Variants in VTCN1 observed in about 807,000 individuals in gnomAD.
The protein encoded by VTCN1 is V-set domain containing T cell activation inhibitor 1.
VTCN1 carries 26 observed loss-of-function variants against 26.5 expected under a neutral mutation model. The ratio of observed to expected loss-of-function variants is 0.98; its 90% CI spans 0.72 to 1.36. VTCN1 has a LOEUF of 1.36. Among genes scored for constraint, VTCN1 ranks in the 40% most tolerant of loss-of-function variants. The pLI, the probability that VTCN1 is intolerant of heterozygous loss-of-function variation, is 0.00. For missense variants in VTCN1, 298 were observed against 337.7 expected (o/e 0.88, Z 0.92); for synonymous variants, 116 against 130.7 (o/e 0.89, Z 0.77).
At chr1:117,193,845 A>G (rs755292511) in intron 1 of VTCN1, among the ~76,000 whole-genome samples, 4 of 152,180 alleles carry the variant, frequency 2.6e-5, no homozygotes, top group Non-Finnish European at 5.9e-5. Flanking sequence ...TTGGATCTTT[A>G]TCTTACACCA....
rs1368822962 is a variant in VTCN1 at position 117,156,759 on chromosome 1, T to G, written c.260A>C (p.Lys87Thr). 1 of 1,614,052 alleles carries G rather than the reference T, an allele frequency of 6.2e-7. No individual in the cohort carries two copies. Among genetic ancestry groups the G allele is most frequent in the Non-Finnish European group, 8.5e-7 (1 of 1,180,012 alleles). The change falls in exon 3 of 6, where the codon AAA (lysine) becomes ACA (threonine). Residue 87 changes from lysine (K) to threonine (T), a missense_variant. Physicochemically the swap from Lys to Thr is moderately conservative, Grantham distance 78. Coordinates refer to ENST00000369458, the MANE Select transcript of VTCN1 (RefSeq NM_024626.4). The stretch of plus-strand genomic sequence containing the variant: ...TTCATCCTGCTCCGACAGCTCATCT[T>G]TGCCTTCTTTGAACTCATGGACCAA... ...LGLVHEFKEGKDELSEQDEMF... is the reference protein window; with the variant it reads ...LGLVHEFKEGTDELSEQDEMF...
chr1:117,185,062 A>T (rs1177137171), intron 1 of VTCN1, among the ~76,000 whole-genome samples: 1 of 152,168 alleles, frequency 6.6e-6, no homozygotes, highest in Non-Finnish European at 1.5e-5. Flanking sequence ...AGACTTAAGA[A>T]GTTAGGATAA....
chr1:117,155,259 CTTA>C lies in VTCN1; in HGVS notation c.445+1312_445+1314del, dbSNP rs1377890885. Among the ~76,000 whole-genome samples, 11 of 152,272 alleles carry C rather than the reference CTTA, an allele frequency of 7.2e-5. No homozygotes were observed. The South Asian group carries it at 2.1e-3, about 29-fold the overall frequency. Reference sequence around the variant, plus strand: ...CAGAAGGTACATGCTGTTAACATGACTTATTAATGATGTTAACCTGGATCACCT... The same window carrying C: ...CAGAAGGTACATGCTGTTAACATGACTTAATGATGTTAACCTGGATCACCT... On this transcript the variant is annotated intron_variant, in intron 3 of 5. Coordinates refer to ENST00000369458, the MANE Select transcript of VTCN1 (RefSeq NM_024626.4). This position sits in a 1 kb window ranked among gnomAD's most constrained non-coding sequence, Gnocchi z 4.8.
chr1:117,180,524 T>C (rs954167403), intron 1 of VTCN1, among the ~76,000 whole-genome samples: 1 of 152,134 alleles, frequency 6.6e-6, no homozygotes, highest in Non-Finnish European at 1.5e-5. Flanking sequence ...ACAAACACAC[T>C]CCAAACCTTT....
chr1:117,208,546 A>G (rs1649208598), intron 1 of VTCN1, among the ~76,000 whole-genome samples: 1 of 152,206 alleles, frequency 6.6e-6, no homozygotes, highest in African/African-American at 2.4e-5. Context: ...TGCAATATTC[A>G]GGACACAGTG....
chr1:117,181,483 C>T (rs1357044212), intron 1 of VTCN1, among the ~76,000 whole-genome samples: 1 of 152,200 alleles, frequency 6.6e-6, no homozygotes, highest in Non-Finnish European at 1.5e-5. Context: ...TGTTCACTGC[C>T]CAGTTGCTCT....
intron 1 of VTCN1, among the ~76,000 whole-genome samples, chr1:117,184,720 G>A (rs1228600224): frequency 6.6e-6 from 1 of 152,142 alleles, no homozygotes; most frequent in Non-Finnish European, 1.5e-5. Context: ...TGCCTGGCAT[G>A]GAGCAAAGGC....
intron 1 of VTCN1, among the ~76,000 whole-genome samples, chr1:117,202,316 C>CG (rs1648829628): frequency 6.6e-6 from 1 of 152,070 alleles, no homozygotes; most frequent in Non-Finnish European, 1.5e-5. Flanking sequence ...CACCAGCAAC[C>CG]GGGTATAGAG....
In VTCN1 at chr1:117,145,539, G is replaced by C. The variant is rs1438486610; in HGVS notation, c.*46-314C>G. Reference sequence around the variant, plus strand: ...GCTCCTGAATAGAGGTGGAAAGGTGGTTTCTGCCTCAATTCCTAACCAGGG... The same window carrying C: ...GCTCCTGAATAGAGGTGGAAAGGTGCTTTCTGCCTCAATTCCTAACCAGGG... On this transcript the variant is annotated intron_variant, in intron 5 of 5. Coordinates refer to ENST00000369458, the MANE Select transcript of VTCN1 (RefSeq NM_024626.4). This position sits in a 1 kb window ranked among gnomAD's most constrained non-coding sequence, Gnocchi z 4.6. Among the ~76,000 whole-genome samples the C allele has an allele frequency of 6.6e-6, 1 of 152,138 alleles. No individual in the cohort carries two copies.
At chr1:117,181,520 C>T (rs896619264) in intron 1 of VTCN1, among the ~76,000 whole-genome samples, 2 of 152,234 alleles carry the variant, frequency 1.3e-5, no homozygotes, top group African/African-American at 4.8e-5. Context: ...TCCACCTCTT[C>T]CCAGGTAATG....
chr1:117,200,580 G>A (rs1324786196), intron 1 of VTCN1, among the ~76,000 whole-genome samples: 1 of 152,132 alleles, frequency 6.6e-6, no homozygotes, highest in African/African-American at 2.4e-5. Context: ...TTACCCAGAT[G>A]TAGCCCGCCT....
chr1:117,147,735 C>T lies in VTCN1; in HGVS notation c.772G>A (p.Ala258Thr). 2 of 1,614,002 alleles carry T rather than the reference C, an allele frequency of 1.2e-6. No homozygotes were observed. The highest frequency in any genetic ancestry group is 1.7e-6 in the Non-Finnish European group (2 of 1,179,946). Residue 258 changes from alanine (A) to threonine (T), a missense_variant, in exon 5 of 6, where the codon GCT (alanine) becomes ACT (threonine). By Grantham distance (58) the Ala-to-Thr change is moderately conservative (BLOSUM62 0). Transcript: ENST00000369458. This position sits in a 1 kb window ranked among gnomAD's most constrained non-coding sequence, Gnocchi z 4.6. ...RSHLQLLNSK[A>T]SLCVSSFFAI... is the part of the protein sequence containing the mutation. ...AAGAAAGAAGAGACACACAGAGAAG[C>T]CTTTGAGTTTAGCAGCTGTAGGTGA...
intron 1 of VTCN1, among the ~76,000 whole-genome samples, chr1:117,199,410 C>G (rs1648682072): frequency 1.3e-5 from 2 of 152,216 alleles, no homozygotes; most frequent in Non-Finnish European, 2.9e-5. Context: ...ACTGCAAACT[C>G]TGCCTCACAG....
chr1:117,145,726 T>C lies in VTCN1; in HGVS notation c.*46-501A>G, dbSNP rs867418638. 6.6e-6 allele frequency among the ~76,000 whole-genome samples: 1 copy of C among 152,178 alleles called. No homozygotes were observed. The highest frequency in any genetic ancestry group is 2.4e-5 in the African/African-American group (1 of 41,454). On this transcript the variant is annotated intron_variant, in intron 5 of 5. Coordinates refer to ENST00000369458, the MANE Select transcript of VTCN1 (RefSeq NM_024626.4). This position sits in a 1 kb window ranked among gnomAD's most constrained non-coding sequence, Gnocchi z 4.6. ...TTGGCTCACTGCAGCCTAAACCTCC[T>C]GGGCTCATGCAATCCTTCCACCTCA...
intron 2 of VTCN1, among the ~76,000 whole-genome samples, chr1:117,168,285 G>A (rs574523411): frequency 1.7e-4 from 26 of 152,176 alleles, no homozygotes; most frequent in Non-Finnish European, 3.4e-4. Flanking sequence ...CGTGATTTAC[G>A]ACCATGACGG....
intron 1 of VTCN1, among the ~76,000 whole-genome samples, chr1:117,202,330 C>T (rs543081849): frequency 2.0e-5 from 3 of 152,228 alleles, no homozygotes; most frequent in South Asian, 2.1e-4. Context: ...TATAGAGAAA[C>T]GGAGGCTGAG....
At chr1:117,162,756 A>C (rs1308973557) in intron 2 of VTCN1, among the ~76,000 whole-genome samples, 1 of 152,196 alleles carries the variant, frequency 6.6e-6, no homozygotes, top group African/African-American at 2.4e-5. Context: ...ACGAAACCTG[A>C]GCAGCTCTGG....
chr1:117,156,556 T>A lies in VTCN1; in HGVS notation c.445+18A>T. The stretch of plus-strand genomic sequence containing the variant: ...TACTTTTGGTGCTTTAAAAAATCTC[T>A]CTCCAAAAGTAACTCACCTCCAGTT... On this transcript the variant is annotated intron_variant, in intron 3 of 5. Transcript: ENST00000369458. 1 of 1,534,648 alleles carries A rather than the reference T, an allele frequency of 6.5e-7. No homozygotes were observed. Among genetic ancestry groups the A allele is most frequent in the Non-Finnish European group, 8.7e-7 (1 of 1,146,954 alleles).
At chr1:117,196,427 GA>G (rs912389983) in intron 1 of VTCN1, among the ~76,000 whole-genome samples, 1 of 149,554 alleles carries the variant, frequency 6.7e-6, no homozygotes, top group African/African-American at 2.5e-5. Context: ...GAGAGAGACG[GA>G]AAAAAAAGAC....
Sources: gnomAD v4.1 joint callset for allele counts (sites outside exome capture counted in the v4.1 genomes callset) on GRCh38, gnomAD v4.1.1 for gene constraint, Gnocchi (gnomAD v3.1) non-coding constraint, MANE v1.5 for transcripts, NCBI Gene and HGNC (gene_info 2026-07-23, HGNC 2026-07-21) for gene names.